Variants in LSR observed in about 807,000 individuals in gnomAD.
LSR encodes the protein lipolysis-stimulated lipoprotein receptor.
In LSR, 44 loss-of-function variants were observed where a neutral mutation model predicts 61.8. The observed-to-expected ratio is 0.71, with a 90% CI of 0.56 to 0.91. The LOEUF is 0.91. Ranked by LOEUF, LSR falls within the 40% of genes least tolerant of loss-of-function variation. The pLI is 0.00. For synonymous variants in LSR, 397 were observed against 350.6 expected, an observed-to-expected ratio of 1.13 and a Z score of -1.48; for missense variants, 911 against 830.5, an observed-to-expected ratio of 1.10 and a Z score of -1.19.
In LSR at chr19:35,267,158, T is replaced by A. The variant is rs763307107; in HGVS notation, c.1194T>A (p.Pro398=). 1 of 1,529,242 alleles carries A rather than the reference T, an allele frequency of 6.5e-7. No individual in the cohort carries two copies. The highest frequency in any genetic ancestry group is 2.3e-5 in the East Asian group (1 of 44,228). The allele number at this position is 1,529,242 out of a possible 1,614,324, so 94.7% of individuals were successfully genotyped here. A position where few individuals can be genotyped will look rare whatever the true frequency, so the allele number is the denominator to read the frequency against. ...SLHEDDWRSR[P]SRGPALTPIR... is the part of the protein sequence containing the mutation. ...ACGAGGACGACTGGCGATCTCGGCC[T>A]TCCCGGGGCCCTGCCCTCACCCCGA... The change falls in exon 9 of 10, where the codon CCT becomes CCA. Residue 398 remains proline (P), a synonymous_variant. Transcript: ENST00000605618.
chr19:35,267,351 A>G lies in LSR; in HGVS notation c.1387A>G (p.Arg463Gly). The G allele has an allele frequency of 6.4e-7, 1 of 1,564,750 alleles. No homozygotes were observed. The highest frequency in any genetic ancestry group is 8.6e-7 in the Non-Finnish European group (1 of 1,156,652). ...GCCGAGCACCGCCGAGTCAGGGAGC[A>G]GGTCTCCCACGAGTAATGGTGGGAG... The part of the protein sequence containing the change: ...TPPSTAESGS[R>G]SPTSNGGRSR... The change falls in exon 9 of 10, where the codon AGG (arginine) becomes GGG (glycine). Residue 463 changes from arginine (R) to glycine (G), a missense_variant. Transcript: ENST00000605618.
intron 5 of LSR, among the ~76,000 whole-genome samples, chr19:35,265,485 C>T (rs1279836614): frequency 1.3e-5 from 2 of 152,210 alleles, no homozygotes; most frequent in Non-Finnish European, 2.9e-5. Context: ...GGGGCTTCCT[C>T]TAGGCTGTGC....
intron 2 of LSR, among the ~76,000 whole-genome samples, chr19:35,256,958 T>C (rs929609286): frequency 2.0e-5 from 3 of 152,064 alleles, no homozygotes; most frequent in African/African-American, 7.2e-5. Flanking sequence ...TGCCTCAGCC[T>C]CCAGGGTAGC....
chr19:35,250,448 G>A lies in LSR; in HGVS notation c.243G>A (p.Lys81=). The change falls in exon 2 of 10, where the codon AAG becomes AAA. Residue 81 remains lysine, a synonymous_variant. Coordinates refer to ENST00000605618, the MANE Select transcript of LSR (RefSeq NM_205834.4). ...PTQPIVIWKY[K]SFCRDRIADA... The stretch of plus-strand genomic sequence containing the variant: ...AACCCATCGTCATCTGGAAGTACAA[G>A]TCTTTCTGCCGGGACCGCATCGCCG... The A allele has an allele frequency of 1.2e-6, 2 of 1,614,094 alleles. 1 individual carries two copies. Among genetic ancestry groups the A allele is most frequent in the Non-Finnish European group, 1.7e-6 (2 of 1,180,004 alleles).
chr19:35,262,079 G>C lies in LSR; in HGVS notation c.631+98G>C, dbSNP rs182660485. 28 of 1,146,864 alleles carry C rather than the reference G, an allele frequency of 2.4e-5. No homozygotes were observed. The Admixed American group carries it at 6.8e-4, about 28-fold the overall frequency. The allele number at this position is 1,146,864 out of a possible 1,614,324, so 71.0% of individuals were successfully genotyped here. A position where few individuals can be genotyped will look rare whatever the true frequency, so the allele number is the denominator to read the frequency against. ...AGTATCCCCTTCCCCACTAAACCCT[G>C]CTCACTGTGGACCCCTCACTAACCT... On this transcript the variant is annotated intron_variant, in intron 4 of 9. Coordinates refer to ENST00000605618, the MANE Select transcript of LSR (RefSeq NM_205834.4).
At chr19:35,249,566 A>G (rs2065763776) in intron 1 of LSR, among the ~76,000 whole-genome samples, 1 of 152,086 alleles carries the variant, frequency 6.6e-6, no homozygotes, top group Non-Finnish European at 1.5e-5. Flanking sequence ...AACAATGCCT[A>G]GGCCTCGGGT....
chr19:35,267,623 G>C lies in LSR; in HGVS notation c.1659G>C (p.Glu553Asp). Residue 553 changes from glutamate to aspartate, a missense_variant, in exon 9 of 10, where the codon GAG (glutamate) becomes GAC (aspartate). By Grantham distance (45) the Glu-to-Asp change is conservative. Coordinates refer to ENST00000605618, the MANE Select transcript of LSR (RefSeq NM_205834.4). The stretch of plus-strand genomic sequence containing the variant: ...AGGCTGTGAGGAAGAAGGGGTCGGA[G>C]GAGAGGAGGAGACCCCACAAGGAGG... Reference protein sequence around the residue: ...LEEAVRKKGSEERRRPHKEEE... With the variant: ...LEEAVRKKGSDERRRPHKEEE... 6.2e-7 allele frequency: 1 copy of C among 1,612,134 alleles called. No homozygotes were observed. The highest frequency in any genetic ancestry group is 8.5e-7 in the Non-Finnish European group (1 of 1,179,448).
At chr19:35,262,848 A>AGATTGTCG in intron 5 of LSR, 156 bp downstream of exon 5, 1 of 801,000 alleles carries the variant, frequency 1.2e-6, no homozygotes, top group Non-Finnish European at 1.9e-6. Context: ...TCTGCTGTTT[A>AGATTGTCG]GATTGTCGTT....
chr19:35,267,474 GACGAC>G lies in LSR; in HGVS notation c.1511_1515del (p.Asp504ValfsTer34). 1.2e-6 allele frequency: 2 copies of G among 1,610,888 alleles called. No homozygotes were observed. Among genetic ancestry groups the G allele is most frequent in the Non-Finnish European group, 1.7e-6 (2 of 1,179,516 alleles). ...CCCACGCTCCCGGGACCCCCACTAC[GACGAC>G]TTCAGGTCTCGGGAGCGCCCTCCTG... On this transcript the variant is annotated frameshift_variant, in exon 9 of 10. Coordinates refer to ENST00000605618, the MANE Select transcript of LSR (RefSeq NM_205834.4). LOFTEE classifies it high-confidence loss of function.
At chr19:35,261,697 G>T (rs1400131475) in intron 3 of LSR, among the ~76,000 whole-genome samples, 1 of 152,192 alleles carries the variant, frequency 6.6e-6, no homozygotes, top group Non-Finnish European at 1.5e-5. Flanking sequence ...TTGTATTGGA[G>T]CCCTCGTGGC....
Position 35,267,805 on chromosome 19 carries a change from C to G in LSR, c.1771-19C>G. 1 of 1,613,996 alleles carries G rather than the reference C, an allele frequency of 6.2e-7. No homozygotes were observed. Among genetic ancestry groups the G allele is most frequent in the African/African-American group, 1.3e-5 (1 of 75,020 alleles). On this transcript the variant is annotated intron_variant, in intron 9 of 9. Transcript: ENST00000605618. ...GCCGGTCCCCGCGGCTCATACCCTT[C>G]TTTCTTTCTCCCTTGCAGAACTTGG...
At chr19:35,255,730 A>G (rs1599594504) in intron 2 of LSR, among the ~76,000 whole-genome samples, 1 of 152,170 alleles carries the variant, frequency 6.6e-6, no homozygotes, top group South Asian at 2.1e-4. Flanking sequence ...TTAAAATGGC[A>G]CAGCCCCCAC....
At position 35,252,948 on chromosome 19, in the gene LSR, G is replaced by A. The variant is rs190133654; in HGVS notation, c.454+2289G>A. On this transcript the variant is annotated intron_variant, in intron 2 of 9. Coordinates refer to ENST00000605618, the MANE Select transcript of LSR (RefSeq NM_205834.4). ...AGGTGGGAGGATTGCTTGGGCTTGAGAGGTCAAGGCTTCAGTGAGTCATGA... is the reference window on the plus strand; with the variant it reads ...AGGTGGGAGGATTGCTTGGGCTTGAAAGGTCAAGGCTTCAGTGAGTCATGA... Among the ~76,000 whole-genome samples the A allele has an allele frequency of 1.0e-3, 155 of 152,282 alleles. 1 individual carries two copies. Among genetic ancestry groups the A allele is most frequent in the African/African-American group, 3.6e-3 (148 of 41,544 alleles).
In LSR at chr19:35,266,636, C is replaced by T. The variant is rs1355332142; in HGVS notation, c.953-43C>T. 7 of 1,599,242 alleles carry T rather than the reference C, an allele frequency of 4.4e-6. No individual in the cohort carries two copies. In the East Asian group the frequency reaches 9.0e-5, roughly 21 times the overall value. On this transcript the variant is annotated intron_variant, in intron 6 of 9. Coordinates refer to ENST00000605618, the MANE Select transcript of LSR (RefSeq NM_205834.4). ...GAGTGTCTTGGGAGCCGAGGAGGGG[C>T]TCTGCTCCTGGTGCGCGGCCACTGA...
chr19:35,257,564 G>A (rs1410624691), intron 2 of LSR, among the ~76,000 whole-genome samples: 1 of 152,148 alleles, frequency 6.6e-6, no homozygotes, highest in Non-Finnish European at 1.5e-5. Context: ...GCTGTGGACT[G>A]CAGCACGCGT....
At chr19:35,267,071 G>C in intron 8 of LSR, 38 bp from the exon 9 acceptor site, 1 of 1,529,172 alleles carries the variant, frequency 6.5e-7, no homozygotes, top group Non-Finnish European at 8.8e-7. Context: ...TGGACCCCGG[G>C]CTCCTCCAGC....
At chr19:35,263,339 A>G (rs1235605263) in intron 5 of LSR, among the ~76,000 whole-genome samples, 14 of 152,196 alleles carry the variant, frequency 9.2e-5, no homozygotes. Context: ...CAAGGTTTAC[A>G]ACACTACATG....
intron 3 of LSR, among the ~76,000 whole-genome samples, chr19:35,261,284 T>C (rs752539548): frequency 1.6e-4 from 24 of 152,310 alleles, no homozygotes; most frequent in Middle Eastern, 6.8e-3. Flanking sequence ...TTTGCCTTCA[T>C]GGGTCCCTTC....
chr19:35,262,784 G>C, intron 5 of LSR, 92 bp downstream of exon 5: 1 of 1,508,596 alleles, frequency 6.6e-7, no homozygotes, highest in Non-Finnish European at 8.9e-7. Flanking sequence ...GGACAGTGGC[G>C]TTGGTCTGGA....
Sources: allele counts gnomAD v4.1 joint callset (sites outside exome capture counted in the v4.1 genomes callset), GRCh38; gene constraint gnomAD v4.1.1; transcripts MANE v1.5; gene names NCBI Gene and HGNC (gene_info 2026-07-23, HGNC 2026-07-21).